The following MGAT4C variants were observed in gnomAD, a reference collection of about 807,000 sequenced individuals.
MGAT4C encodes the protein alpha-1,3-mannosyl-glycoprotein 4-beta-N-acetylglucosaminyltransferase C.
MGAT4C carries 19 observed loss-of-function variants against 40.1 expected under a neutral mutation model. The observed-to-expected ratio is 0.47, with a 90% CI of 0.33 to 0.70. The LOEUF is 0.70. Ranked by LOEUF, MGAT4C falls within the 30% of genes least tolerant of loss-of-function variation. The probability of loss-of-function intolerance (pLI) is 0.02; values close to 1 mark genes in which losing one functional copy is unlikely to be tolerated. For synonymous variants in MGAT4C, 181 were observed against 187.1 expected (o/e 0.97, Z 0.27); for missense variants, 491 against 563.2 (o/e 0.87, Z 1.30).
intron 2 of MGAT4C, among the ~76,000 whole-genome samples, chr12:86,472,875 A>G (rs960290522): frequency 3.9e-5 from 6 of 152,290 alleles, no homozygotes; most frequent in Non-Finnish European, 8.8e-5. Context: ...CTTTCACAGG[A>G]AGAATGTCTT....
chr12:86,453,841 C>T (rs575857403), intron 2 of MGAT4C, among the ~76,000 whole-genome samples: 1 of 152,160 alleles, frequency 6.6e-6, no homozygotes, highest in African/African-American at 2.4e-5. Flanking sequence ...ACTGTAAGGA[C>T]TGTGGGTATA....
At chr12:86,587,976 C>T (rs1383938583) in intron 2 of MGAT4C, among the ~76,000 whole-genome samples, 1 of 151,892 alleles carries the variant, frequency 6.6e-6, no homozygotes, top group Non-Finnish European at 1.5e-5. Flanking sequence ...CCAGAACTTC[C>T]AACACTATGT....
chr12:86,569,317 G>T (rs181216618), intron 2 of MGAT4C, among the ~76,000 whole-genome samples: 197 of 152,014 alleles, frequency 1.3e-3, no homozygotes, highest in African/African-American at 4.6e-3. Context: ...AAATTTACAG[G>T]GAATTTAACA....
chr12:85,991,812 T>C (rs1885977203), intron 2 of MGAT4C, among the ~76,000 whole-genome samples: 1 of 152,114 alleles, frequency 6.6e-6, no homozygotes, highest in African/African-American at 2.4e-5. Flanking sequence ...GGCAATATAG[T>C]GAGACCCCAT....
At chr12:86,325,602 G>C (rs1222041178) in intron 4 of MGAT4C, among the ~76,000 whole-genome samples, 1 of 152,120 alleles carries the variant, frequency 6.6e-6, no homozygotes, top group African/African-American at 2.4e-5. Context: ...TTGAGGCTGG[G>C]CACAGTGGCT....
At chr12:86,306,861 A>G (rs1381610599) in intron 4 of MGAT4C, among the ~76,000 whole-genome samples, 1 of 148,038 alleles carries the variant, frequency 6.8e-6, no homozygotes, top group African/African-American at 2.6e-5. Flanking sequence ...TAAAGAAAGT[A>G]TAGTACAATG....
intron 3 of MGAT4C, among the ~76,000 whole-genome samples, chr12:86,407,166 A>G (rs1394167836): frequency 6.6e-6 from 1 of 152,140 alleles, no homozygotes; most frequent in Non-Finnish European, 1.5e-5. Context: ...GAAAAAGTAC[A>G]TAGGGTGAGA....
intron 2 of MGAT4C, among the ~76,000 whole-genome samples, chr12:86,629,696 T>C (rs1962963156): frequency 6.6e-6 from 1 of 152,148 alleles, no homozygotes; most frequent in African/African-American, 2.4e-5. Context: ...AGATGTTCTT[T>C]GAAACCAATG....
intron 2 of MGAT4C, among the ~76,000 whole-genome samples, chr12:86,465,633 C>A (rs1050109273): frequency 6.6e-6 from 1 of 152,052 alleles, no homozygotes; most frequent in Non-Finnish European, 1.5e-5. Context: ...AAAAGATGCT[C>A]CACAATATAT....
At chr12:86,129,770 G>A (rs1880897185) in intron 1 of MGAT4C, among the ~76,000 whole-genome samples, 1 of 16,498 alleles carries the variant, frequency 6.1e-5, no homozygotes, top group Non-Finnish European at 9.1e-5. Flanking sequence ...CGTTTTAGCC[G>A]GGATGGTCTC....
intron 4 of MGAT4C, among the ~76,000 whole-genome samples, chr12:86,273,800 C>A (rs1014299342): frequency 6.6e-6 from 1 of 152,072 alleles, no homozygotes; most frequent in East Asian, 1.9e-4. Context: ...TGATGAAACC[C>A]CAATAATTCA....
intron 2 of MGAT4C, among the ~76,000 whole-genome samples, chr12:86,515,909 A>AT (rs560460784): frequency 5.5e-4 from 83 of 151,340 alleles, no homozygotes; most frequent in African/African-American, 1.5e-3. Context: ...CGCCCAGCTA[A>AT]TTTTTTTTGT....
At chr12:86,402,961 A>G (rs1956398205) in intron 3 of MGAT4C, among the ~76,000 whole-genome samples, 1 of 152,182 alleles carries the variant, frequency 6.6e-6, no homozygotes, top group African/African-American at 2.4e-5. Context: ...ATAGTCTCAC[A>G]CTAAACTTCT....
chr12:86,598,639 T>G (rs1020344900), intron 2 of MGAT4C, among the ~76,000 whole-genome samples: 1 of 152,058 alleles, frequency 6.6e-6, no homozygotes, highest in Non-Finnish European at 1.5e-5. Context: ...TTTCAACAAT[T>G]ATCATATAAG....
chr12:86,084,139 A>G (rs1871323203), intron 1 of MGAT4C, among the ~76,000 whole-genome samples: 1 of 152,116 alleles, frequency 6.6e-6, no homozygotes, highest in Admixed American at 6.6e-5. Context: ...GCGCTCAAAA[A>G]ACTAACATTT....
chr12:86,455,483 C>A (rs1041804092), intron 2 of MGAT4C, among the ~76,000 whole-genome samples: 3 of 151,986 alleles, frequency 2.0e-5, no homozygotes, highest in African/African-American at 7.2e-5. Flanking sequence ...ACTTCTATTT[C>A]TGAAAATACA....
chr12:86,588,702 C>A (rs1961179825), intron 2 of MGAT4C, among the ~76,000 whole-genome samples: 1 of 152,116 alleles, frequency 6.6e-6, no homozygotes, highest in Admixed American at 6.6e-5. Context: ...AACAAACTGT[C>A]TCTCAGACCG....
chr12:86,820,276 T>A (rs1952682692), intron 1 of MGAT4C, among the ~76,000 whole-genome samples: 1 of 150,836 alleles, frequency 6.6e-6, no homozygotes, highest in Non-Finnish European at 1.5e-5. Context: ...ATTTCTTACT[T>A]GTTGTATATG....
intron 2 of MGAT4C, among the ~76,000 whole-genome samples, chr12:86,625,215 T>C (rs1962766216): frequency 6.6e-6 from 1 of 152,090 alleles, no homozygotes; most frequent in African/African-American, 2.4e-5. Flanking sequence ...CTGGTTCCTT[T>C]CCACCATAAT....
Sources: allele counts gnomAD v4.1 joint callset (sites outside exome capture counted in the v4.1 genomes callset), GRCh38; gene constraint gnomAD v4.1.1; transcripts MANE v1.5; gene names NCBI Gene and HGNC (gene_info 2026-07-23, HGNC 2026-07-21).